CIT: variants seen among roughly 807,000 people sequenced by gnomAD.
CIT encodes the protein citron rho-interacting serine/threonine kinase, also known as citron Rho-interacting kinase.
CIT carries 79 observed loss-of-function variants against 272.7 expected under a neutral mutation model. That is an observed-to-expected ratio of 0.29 (90% CI 0.24 to 0.35). CIT has a LOEUF of 0.35. Among genes scored for constraint, CIT ranks in the 10% least tolerant of loss-of-function variants. The pLI is 1.00. For synonymous variants in CIT, 948 were observed against 995.6 expected, an observed-to-expected ratio of 0.95 and a Z score of 0.90; for missense variants, 1,909 against 2,618.3, an observed-to-expected ratio of 0.73 and a Z score of 5.91.
intron 10 of CIT, among the ~76,000 whole-genome samples, chr12:119,798,987 T>C (rs1399381383): frequency 1.3e-5 from 2 of 152,242 alleles, no homozygotes; most frequent in Admixed American, 6.5e-5. Flanking sequence ...GTACCCATTC[T>C]GGGACTGGAC....
Position 119,697,904 on chromosome 12 carries a change from A to G in CIT, c.5703-66T>C. ...ACCTCCATTGCTAGGCAAGTTAGGA[A>G]GGAACATGCGGCCGGCCCCAACACC... On this transcript the variant is annotated intron_variant, in intron 45 of 47. Transcript: ENST00000392521. The surrounding 1 kb of genome is among the most constrained non-coding windows in gnomAD (Gnocchi z 4.9). The G allele has an allele frequency of 6.2e-7, 1 of 1,612,896 alleles. No homozygotes were observed. The highest frequency in any genetic ancestry group is 8.5e-7 in the Non-Finnish European group (1 of 1,178,916).
chr12:119,855,576 CCCTT>C (rs769541905), intron 4 of CIT, among the ~76,000 whole-genome samples: 220 of 120,150 alleles, frequency 1.8e-3, no homozygotes, highest in African/African-American at 9.9e-3. Context: ...TCTTTTCCTT[CCCTT>C]CACTGCTTGT....
At chr12:119,750,748 T>TATAGACAG (rs1231975450) in intron 23 of CIT, among the ~76,000 whole-genome samples, 202 of 147,978 alleles carry the variant, frequency 1.4e-3, no homozygotes, top group African/African-American at 4.9e-3. Context: ...TATATATAGA[T>TATAGACAG]ATAGATAGAT....
At chr12:119,841,826 G>A (rs776363760) in intron 5 of CIT, among the ~76,000 whole-genome samples, 9 of 152,190 alleles carry the variant, frequency 5.9e-5, no homozygotes, top group Non-Finnish European at 4.4e-5. Flanking sequence ...TCACAACATG[G>A]AAGGAACCTG....
rs1962722389 is a variant in CIT at position 119,768,492 on chromosome 12, T to C, written c.2209-1310A>G. Among the ~76,000 whole-genome samples, 2 of 152,200 alleles carry C rather than the reference T, an allele frequency of 1.3e-5. No individual in the cohort carries two copies. Among genetic ancestry groups the C allele is most frequent in the Non-Finnish European group, 2.9e-5 (2 of 68,028 alleles). ...TGAAGAATGAGGAAATTATATAGGA[T>C]ATGTTCATAAAATGGAGGTGAAAAA... On this transcript the variant is annotated intron_variant, in intron 18 of 47. Coordinates refer to ENST00000392521, the MANE Select transcript of CIT (RefSeq NM_001206999.2). The surrounding 1 kb of genome is among the most constrained non-coding windows in gnomAD (Gnocchi z 4.3).
At chr12:119,783,352 C>A (rs1050184822) in intron 12 of CIT, 2 of 152,158 alleles carry the variant, frequency 1.3e-5, no homozygotes, top group Non-Finnish European at 2.9e-5. Flanking sequence ...TTAAAAAACA[C>A]CTGAATGAAA....
chr12:119,712,968 T>A lies in CIT; in HGVS notation c.4579+235A>T. On this transcript the variant is annotated intron_variant, in intron 35 of 47. Coordinates refer to ENST00000392521, the MANE Select transcript of CIT (RefSeq NM_001206999.2). This position sits in a 1 kb window ranked among gnomAD's most constrained non-coding sequence, Gnocchi z 5.2. ...GACTGAGGCAGAAGTTCTCGGAAGG[T>A]GTATTAGCAGGTGGAATCTTCAGGG... The A allele has an allele frequency of 1.7e-6, 1 of 585,498 alleles. No homozygotes were observed. The highest frequency in any genetic ancestry group is 2.1e-5 in the South Asian group (1 of 48,334). 36.3% of individuals were successfully genotyped at this position (585,498 alleles called of 1,614,324 possible).
chr12:119,815,761 G>C (rs1967125793), intron 9 of CIT, among the ~76,000 whole-genome samples: 1 of 152,122 alleles, frequency 6.6e-6, no homozygotes, highest in Non-Finnish European at 1.5e-5. Flanking sequence ...GTTGTTAAGA[G>C]GATAGGTTGT....
At chr12:119,788,761 T>C (rs1206440445) in intron 10 of CIT, among the ~76,000 whole-genome samples, 1 of 152,138 alleles carries the variant, frequency 6.6e-6, no homozygotes, top group Admixed American at 6.5e-5. Flanking sequence ...AAAGAGACCA[T>C]GCGACAGCCC....
chr12:119,821,669 A>T (rs551797373), intron 9 of CIT, among the ~76,000 whole-genome samples: 1 of 152,356 alleles, frequency 6.6e-6, no homozygotes, highest in South Asian at 2.1e-4. Flanking sequence ...AAGACAAGAA[A>T]AGATTAAGTA....
In CIT at chr12:119,784,573, G is replaced by A. The variant is rs1964595978; in HGVS notation, c.1401+387C>T. The A allele has an allele frequency of 1.7e-6, 2 of 1,171,248 alleles. No homozygotes were observed. The highest frequency in any genetic ancestry group is 2.1e-6 in the Non-Finnish European group (2 of 940,118). The allele number at this position is 1,171,248 out of a possible 1,614,324, so 72.6% of individuals were successfully genotyped here. A position where few individuals can be genotyped will look rare whatever the true frequency, so the allele number is the denominator to read the frequency against. On this transcript the variant is annotated intron_variant, in intron 11 of 47. Transcript: ENST00000392521. The surrounding 1 kb of genome is among the most constrained non-coding windows in gnomAD (Gnocchi z 4.7). Reference sequence around the variant, plus strand: ...AGAGACGTTGAGCGTAATCAACACAGTGGCCGCAGTGACATAAGCAGGAGT... The same window carrying A: ...AGAGACGTTGAGCGTAATCAACACAATGGCCGCAGTGACATAAGCAGGAGT...
In CIT at chr12:119,690,414, T is replaced by C. The variant is rs144102132; in HGVS notation, c.5923A>G (p.Ile1975Val). 4.4e-6 allele frequency: 7 copies of C among 1,595,974 alleles called. No individual in the cohort carries two copies. Among genetic ancestry groups the C allele is most frequent in the Admixed American group, 1.7e-5 (1 of 58,608 alleles). ...KRGPPTYNEH[I>V]TKRVASSPAP... is the part of the protein sequence containing the mutation. ...GGGCTGGAGGCCACGCGCTTGGTGA[T>C]GTGCTCGTTGTACGTGGGTGGGCCT... Residue 1975 changes from isoleucine (I) to valine (V), a missense_variant, in exon 47 of 48, where the codon ATC becomes GTC. By Grantham distance (29) the Ile-to-Val change is conservative (BLOSUM62 3). Transcript: ENST00000392521. This position sits in a 1 kb window ranked among gnomAD's most constrained non-coding sequence, Gnocchi z 6.0.
intron 13 of CIT, among the ~76,000 whole-genome samples, chr12:119,780,290 G>T (rs188797399): frequency 3.9e-5 from 6 of 152,192 alleles, no homozygotes; most frequent in Admixed American, 1.3e-4. Context: ...TATTCTAGAG[G>T]GGGTAGCTAG....
At chr12:119,813,431 C>T (rs1489898101) in intron 9 of CIT, among the ~76,000 whole-genome samples, 2 of 152,166 alleles carry the variant, frequency 1.3e-5, no homozygotes, top group African/African-American at 4.8e-5. Context: ...TGCCAACCGC[C>T]CTTTTTAGTT....
chr12:119,710,738 A>G lies in CIT; in HGVS notation c.4855-118T>C. 1.0e-6 allele frequency: 1 copy of G among 956,840 alleles called. No individual in the cohort carries two copies. Among genetic ancestry groups the G allele is most frequent in the Non-Finnish European group, 1.6e-6 (1 of 608,282 alleles). The allele number at this position is 956,840 out of a possible 1,614,324, so 59.3% of individuals were successfully genotyped here. A position where few individuals can be genotyped will look rare whatever the true frequency, so the allele number is the denominator to read the frequency against. Reference sequence around the variant, plus strand: ...GGCCAAGTTATTCCTGGAAATGCTCAGAAACGCACATATGCTCTTAGCTCA... The same window carrying G: ...GGCCAAGTTATTCCTGGAAATGCTCGGAAACGCACATATGCTCTTAGCTCA... On this transcript the variant is annotated intron_variant, in intron 37 of 47. Coordinates refer to ENST00000392521, the MANE Select transcript of CIT (RefSeq NM_001206999.2). The surrounding 1 kb of genome is among the most constrained non-coding windows in gnomAD (Gnocchi z 5.6).
intron 46 of CIT, among the ~76,000 whole-genome samples, chr12:119,693,236 G>A (rs2136929518): frequency 6.6e-6 from 1 of 152,214 alleles, no homozygotes; most frequent in African/African-American, 2.4e-5. Context: ...CAATTTTATG[G>A]TTTTTTGGCA....
At chr12:119,814,117 T>C (rs1966924077) in intron 9 of CIT, among the ~76,000 whole-genome samples, 1 of 152,222 alleles carries the variant, frequency 6.6e-6, no homozygotes, top group Non-Finnish European at 1.5e-5. Flanking sequence ...TTCATTGTTA[T>C]ATTTTTAATA....
chr12:119,706,089 CAAAAAAA>C (rs776220898), intron 40 of CIT, among the ~76,000 whole-genome samples: 2 of 98,632 alleles, frequency 2.0e-5, no homozygotes, highest in Non-Finnish European at 4.5e-5. Context: ...GACTCTGTGT[CAAAAAAA>C]AAAAAAAAAA....
At chr12:119,776,893 T>G (rs753802051) in intron 13 of CIT, 51 bp from the exon 14 acceptor site, 6 of 1,578,738 alleles carry the variant, frequency 3.8e-6, no homozygotes, top group Non-Finnish European at 4.3e-6. Flanking sequence ...CCGAAAAGAA[T>G]AGACAGGCAG....
Sources: gnomAD v4.1 joint callset for allele counts (sites outside exome capture counted in the v4.1 genomes callset) on GRCh38, gnomAD v4.1.1 for gene constraint, Gnocchi (gnomAD v3.1) non-coding constraint, MANE v1.5 for transcripts, NCBI Gene and HGNC (gene_info 2026-07-23, HGNC 2026-07-21) for gene names.